GALNT13: variants seen among roughly 807,000 people sequenced by gnomAD.
GALNT13 encodes polypeptide N-acetylgalactosaminyltransferase 13, also known as UDP-GalNAc:polypeptide N-acetylgalactosaminyltransferase 13.
Under a neutral mutation model 64.2 loss-of-function variants are expected in GALNT13, and 28 were observed. That is an observed-to-expected ratio of 0.44 (90% CI 0.32 to 0.60). The LOEUF is 0.60. GALNT13 is among the 20% of genes least tolerant of loss of function. The probability of loss-of-function intolerance (pLI) is 0.05; values close to 1 mark genes in which losing one functional copy is unlikely to be tolerated. For missense variants in GALNT13, 577 were observed against 669.8 expected (o/e 0.86, Z 1.53); for synonymous variants, 214 against 224.6 (o/e 0.95, Z 0.42).
chr2:154,171,370 G>A (rs1324485000), intron 4 of GALNT13, among the ~76,000 whole-genome samples: 2 of 152,068 alleles, frequency 1.3e-5, no homozygotes, highest in South Asian at 2.1e-4. Context: ...TGGCTTGAAC[G>A]ACAATATGTA....
At chr2:153,603,071 A>G in the GALNT13 span, among the ~76,000 whole-genome samples, 5 of 151,994 alleles carry the variant, frequency 3.3e-5, no homozygotes, top group African/African-American at 1.2e-4. Flanking sequence ...ACCGTATTCC[A>G]TATATTTACA....
At chr2:153,089,542 T>C in the GALNT13 span, among the ~76,000 whole-genome samples, 1 of 152,078 alleles carries the variant, frequency 6.6e-6, no homozygotes, top group African/African-American at 2.4e-5. Context: ...CAGGGAAGTT[T>C]TCCTCAATCA....
At chr2:153,720,660 G>C in the GALNT13 span, among the ~76,000 whole-genome samples, 8 of 151,808 alleles carry the variant, frequency 5.3e-5, no homozygotes, top group African/African-American at 1.9e-4. Flanking sequence ...ACTACATGAA[G>C]AATGCAGAAG....
chr2:153,921,756 A>G (rs532543569), intron 2 of GALNT13, among the ~76,000 whole-genome samples: 3 of 152,286 alleles, frequency 2.0e-5, no homozygotes, highest in Admixed American at 6.5e-5. Context: ...AAGAAAATAC[A>G]GTAAATTTGG....
the GALNT13 span, among the ~76,000 whole-genome samples, chr2:153,081,363 A>G: frequency 2.6e-5 from 4 of 152,164 alleles, no homozygotes; most frequent in Non-Finnish European, 5.9e-5. Flanking sequence ...TTGAGTTACA[A>G]ACAATACAAT....
the GALNT13 span, among the ~76,000 whole-genome samples, chr2:153,486,854 A>G: frequency 1.3e-5 from 2 of 152,194 alleles, no homozygotes; most frequent in African/African-American, 4.8e-5. Context: ...CTTTGGAGTG[A>G]AAAAGCCACT....
the GALNT13 span, among the ~76,000 whole-genome samples, chr2:153,081,942 T>C: frequency 6.6e-6 from 1 of 152,164 alleles, no homozygotes; most frequent in Admixed American, 6.5e-5. Flanking sequence ...TTGAGGAACC[T>C]CCAAACTGTT....
At chr2:154,128,590 A>T (rs1682431344) in intron 3 of GALNT13, among the ~76,000 whole-genome samples, 1 of 152,152 alleles carries the variant, frequency 6.6e-6, no homozygotes, top group Non-Finnish European at 1.5e-5. Context: ...GTTTATACAG[A>T]TGGTCAATAA....
chr2:154,090,158 G>C (rs1397024451), intron 3 of GALNT13, among the ~76,000 whole-genome samples: 1 of 151,996 alleles, frequency 6.6e-6, no homozygotes. Context: ...TAAACACTGG[G>C]TGATAACTTT....
At chr2:154,099,804 A>G (rs1355417362) in intron 3 of GALNT13, among the ~76,000 whole-genome samples, 1 of 152,046 alleles carries the variant, frequency 6.6e-6, no homozygotes, top group Non-Finnish European at 1.5e-5. Flanking sequence ...GGCAAGCATG[A>G]TGATTCATGC....
At chr2:153,413,595 T>C in the GALNT13 span, among the ~76,000 whole-genome samples, 2 of 152,226 alleles carry the variant, frequency 1.3e-5, no homozygotes, top group African/African-American at 2.4e-5. Flanking sequence ...GTTTCAGTTA[T>C]ATAACTGCCG....
At chr2:154,269,925 T>TATATATATATATATATA (rs1421612508) in intron 8 of GALNT13, among the ~76,000 whole-genome samples, 14 of 139,196 alleles carry the variant, frequency 1.0e-4, no homozygotes, top group East Asian at 4.3e-4. Flanking sequence ...TATATATATA[T>TATATATATATATATATA]TTCTAAAGCA....
At chr2:153,313,204 A>G in the GALNT13 span, among the ~76,000 whole-genome samples, 15 of 152,212 alleles carry the variant, frequency 9.9e-5, no homozygotes, top group Admixed American at 2.0e-4. Flanking sequence ...ACTCAAAGGA[A>G]TATAAATCAT....
At chr2:153,188,118 T>A in the GALNT13 span, among the ~76,000 whole-genome samples, 1 of 152,126 alleles carries the variant, frequency 6.6e-6, no homozygotes, top group Admixed American at 6.5e-5. Flanking sequence ...GGTGAAATAG[T>A]AAATATTGTT....
the GALNT13 span, among the ~76,000 whole-genome samples, chr2:153,281,967 T>A: frequency 1.3e-5 from 2 of 152,074 alleles, no homozygotes; most frequent in Non-Finnish European, 2.9e-5. Context: ...ATTAGAAAAA[T>A]TTTCTTGATT....
At chr2:154,246,077 A>G in intron 7 of GALNT13, 95 bp downstream of exon 7, 2 of 774,514 alleles carry the variant, frequency 2.6e-6, no homozygotes, top group Non-Finnish European at 2.0e-6. Context: ...ATTTAATTGT[A>G]TCCTTATTAT....
chr2:153,408,031 C>T, the GALNT13 span, among the ~76,000 whole-genome samples: 1 of 152,202 alleles, frequency 6.6e-6, no homozygotes, highest in Admixed American at 6.6e-5. Context: ...AACAAAGCAG[C>T]TCTACATCTG....
At chr2:153,570,696 C>T in the GALNT13 span, among the ~76,000 whole-genome samples, 1 of 152,072 alleles carries the variant, frequency 6.6e-6, no homozygotes, top group Non-Finnish European at 1.5e-5. Flanking sequence ...TTCCCCAGCA[C>T]CATTTATTAA....
the GALNT13 span, among the ~76,000 whole-genome samples, chr2:153,097,923 G>A: frequency 6.6e-6 from 1 of 152,190 alleles, no homozygotes; most frequent in African/African-American, 2.4e-5. Flanking sequence ...AAAATTAGCT[G>A]GGCGTGGTCG....
Sources: allele counts gnomAD v4.1 joint callset (sites outside exome capture counted in the v4.1 genomes callset), GRCh38; gene constraint gnomAD v4.1.1; transcripts MANE v1.5; gene names NCBI Gene and HGNC (gene_info 2026-07-23, HGNC 2026-07-21).